The following RAB40B variants were observed in gnomAD, a reference collection of about 807,000 sequenced individuals.
RAB40B encodes RAB40B, member RAS oncogene family.
RAB40B carries 21 observed loss-of-function variants against 24.0 expected under a neutral mutation model. That is an observed-to-expected ratio of 0.88 (90% confidence interval 0.62 to 1.26). The LOEUF is 1.26. RAB40B is among the 50% of genes most tolerant of loss of function. The pLI, the probability that RAB40B is intolerant of heterozygous loss-of-function variation, is 0.00. For synonymous variants in RAB40B, 167 were observed against 169.8 expected (o/e 0.98, Z 0.13); for missense variants, 348 against 390.5 (o/e 0.89, Z 0.92).
chr17:82,691,583 G>A (rs1320389303), intron 1 of RAB40B, among the ~76,000 whole-genome samples: 1 of 152,186 alleles, frequency 6.6e-6, no homozygotes, highest in African/African-American at 2.4e-5. Context: ...TCGGGGGGCT[G>A]AGGCAGGAGA....
At chr17:82,659,034 G>A (rs1398376681) in intron 4 of RAB40B, 7 of 315,722 alleles carry the variant, frequency 2.2e-5, no homozygotes, top group East Asian at 6.1e-5. Flanking sequence ...TGCTGGCACC[G>A]CCGAGAGCTG....
At position 82,680,754 on chromosome 17, in the gene RAB40B, A is replaced by G. The variant is rs142637956; in HGVS notation, c.143-16198T>C. Reference sequence around the variant, plus strand: ...AATTCTAAAATATAATTTCTGGGCCAGGCACGGTGGCTCACGCCTTTAATC... The same window carrying G: ...AATTCTAAAATATAATTTCTGGGCCGGGCACGGTGGCTCACGCCTTTAATC... On this transcript the variant is annotated intron_variant, in intron 1 of 5. Transcript: ENST00000571995. Among the ~76,000 whole-genome samples, 1,197 of 152,268 alleles carry G rather than the reference A, an allele frequency of 7.9e-3. 12 individuals carry two copies. The highest frequency in any genetic ancestry group is 0.02 in the African/African-American group (852 of 41,564).
chr17:82,671,416 ACT>A (rs1179189085), intron 1 of RAB40B, among the ~76,000 whole-genome samples: 1 of 142,214 alleles, frequency 7.0e-6, no homozygotes, highest in African/African-American at 2.7e-5. Context: ...TCACCCTGTA[ACT>A]CTAACACACA....
intron 2 of RAB40B, chr17:82,661,331 G>T (rs747392607): frequency 1.7e-6 from 2 of 1,144,624 alleles, no homozygotes; most frequent in Non-Finnish European, 2.2e-6. Flanking sequence ...TTCAATGTAG[G>T]CTTTAAAAAA....
chr17:82,659,679 C>T (rs200488513), intron 3 of RAB40B, 22 bp from the exon 4 acceptor site: 3 of 1,607,622 alleles, frequency 1.9e-6, no homozygotes, highest in Non-Finnish European at 2.6e-6. Flanking sequence ...GTCACAGGCT[C>T]AGCACGCAGA....
intron 4 of RAB40B, 192 bp downstream of exon 4, chr17:82,659,388 T>C: frequency 1.7e-6 from 1 of 585,718 alleles, no homozygotes; most frequent in South Asian, 2.1e-5. Flanking sequence ...CTTTCGTGAT[T>C]GTAGCTATCA....
chr17:82,671,633 ACT>A (rs2046338141), intron 1 of RAB40B, among the ~76,000 whole-genome samples: 1 of 86,396 alleles, frequency 1.2e-5, no homozygotes, highest in Admixed American at 1.4e-4. Context: ...TCACCCCGTA[ACT>A]CTAACACACA....
In RAB40B at chr17:82,686,594, C is replaced by T. The variant is rs541533976; in HGVS notation, c.142+11861G>A. ...GGTGCTGCCACAGGCCACAGAACGC[C>T]GAGGGCTGCCAGCAGCACCCCAGAA... On this transcript the variant is annotated intron_variant, in intron 1 of 5. Transcript: ENST00000571995. Among the ~76,000 whole-genome samples the T allele has an allele frequency of 6.6e-5, 10 of 152,270 alleles. No individual in the cohort carries two copies. The East Asian group carries it at 1.5e-3, about 24-fold the overall frequency.
Position 82,657,713 on chromosome 17 carries a change from A to C in RAB40B, c.*150T>G. 1 of 939,026 alleles carries C rather than the reference A, an allele frequency of 1.1e-6. No homozygotes were observed. The highest frequency in any genetic ancestry group is 1.7e-6 in the Non-Finnish European group (1 of 572,406). The allele number at this position is 939,026 out of a possible 1,614,324, so 58.2% of individuals were successfully genotyped here. A position where few individuals can be genotyped will look rare whatever the true frequency, so the allele number is the denominator to read the frequency against. ...GTAGAAATTCGAAGTCCGACGGGGT[A>C]GTGTGTTTCCATCACACGGAAGGCG... On this transcript the variant is annotated 3_prime_UTR_variant, in exon 6 of 6. Coordinates refer to ENST00000571995, the MANE Select transcript of RAB40B (RefSeq NM_006822.3).
intron 1 of RAB40B, among the ~76,000 whole-genome samples, chr17:82,694,848 G>A (rs1400611638): frequency 6.6e-6 from 1 of 151,608 alleles, no homozygotes; most frequent in Non-Finnish European, 1.5e-5. Flanking sequence ...TCTCTACATT[G>A]TTCAAAGATA....
At chr17:82,662,026 A>G (rs1274889197) in intron 2 of RAB40B, 2 of 985,296 alleles carry the variant, frequency 2.0e-6, no homozygotes, top group East Asian at 1.1e-4. Context: ...ACACACCTAC[A>G]TCAATGGGAG....
rs1399963067 is a variant in RAB40B at position 82,692,346 on chromosome 17, G to A, written c.142+6109C>T. Among the ~76,000 whole-genome samples, 1 of 152,206 alleles carries A rather than the reference G, an allele frequency of 6.6e-6. No individual in the cohort carries two copies. The highest frequency in any genetic ancestry group is 1.5e-5 in the Non-Finnish European group (1 of 68,036). ...CCCTGCAACTACAGACCGAGAGGAA[G>A]ACAAACGCCCAGGAGGGAGAATCCA... On this transcript the variant is annotated intron_variant, in intron 1 of 5. Transcript: ENST00000571995. This position sits in a 1 kb window ranked among gnomAD's most constrained non-coding sequence, Gnocchi z 4.0.
chr17:82,665,080 C>G (rs987950211), intron 1 of RAB40B, among the ~76,000 whole-genome samples: 11 of 152,232 alleles, frequency 7.2e-5, no homozygotes, highest in African/African-American at 2.7e-4. Flanking sequence ...GATGCCCGCT[C>G]TCAGCTGTGT....
intron 1 of RAB40B, among the ~76,000 whole-genome samples, chr17:82,689,353 G>A (rs2046533035): frequency 6.6e-6 from 1 of 152,242 alleles, no homozygotes; most frequent in Non-Finnish European, 1.5e-5. Flanking sequence ...GGGGACTCAG[G>A]GGCGATGGGT....
chr17:82,687,136 T>C (rs2046511023), intron 1 of RAB40B, among the ~76,000 whole-genome samples: 1 of 151,004 alleles, frequency 6.6e-6, no homozygotes. Context: ...CTCTCCAAAG[T>C]CAAACCAACA....
rs893985412 is a variant in RAB40B, at chr17:82,697,886, C to T, written c.142+569G>A. ...GCGAGTCACCTGTGCTCCTTCCTCT[C>T]CCCCGGACACGCGGGACCCCTGGCC... On this transcript the variant is annotated intron_variant, in intron 1 of 5. Coordinates refer to ENST00000571995, the MANE Select transcript of RAB40B (RefSeq NM_006822.3). The surrounding 1 kb of genome is among the most constrained non-coding windows in gnomAD (Gnocchi z 4.9). Among the ~76,000 whole-genome samples the T allele has an allele frequency of 6.6e-6, 1 of 152,206 alleles. No homozygotes were observed. The highest frequency in any genetic ancestry group is 1.5e-5 in the Non-Finnish European group (1 of 68,026).
intron 1 of RAB40B, among the ~76,000 whole-genome samples, chr17:82,693,508 G>A (rs918646003): frequency 1.3e-5 from 2 of 152,206 alleles, no homozygotes; most frequent in African/African-American, 2.4e-5. Context: ...CTACTACAGG[G>A]AAACCTGTGC....
intron 1 of RAB40B, among the ~76,000 whole-genome samples, chr17:82,691,868 G>A (rs535179821): frequency 2.3e-4 from 35 of 152,306 alleles, no homozygotes; most frequent in African/African-American, 6.5e-4. Flanking sequence ...TGGAACTTCC[G>A]AGGGGAAAGA....
Position 82,655,334 on chromosome 17 carries a change from G to A in RAB40B, c.*2529C>T, listed in dbSNP as rs1050606659. On this transcript the variant is annotated 3_prime_UTR_variant, in exon 6 of 6. Transcript: ENST00000571995. ...GTTTCCCTGGAGGGCCAAGGCCTCC[G>A]GGCGGCCCGTGCATTCGGTGAACAC... The A allele has an allele frequency of 6.6e-6, 1 of 152,186 alleles. No individual in the cohort carries two copies. The highest frequency in any genetic ancestry group is 2.4e-5 in the African/African-American group (1 of 41,454). The allele number at this position is 152,186 out of a possible 1,614,324, so 9.4% of individuals were successfully genotyped here. A position where few individuals can be genotyped will look rare whatever the true frequency, so the allele number is the denominator to read the frequency against.
Sources: allele counts gnomAD v4.1 joint callset (sites outside exome capture counted in the v4.1 genomes callset), GRCh38; gene constraint gnomAD v4.1.1; non-coding constraint Gnocchi (gnomAD v3.1); transcripts MANE v1.5; gene names NCBI Gene and HGNC (gene_info 2026-07-23, HGNC 2026-07-21).